The following PITPNA variants were observed in gnomAD, a reference collection of about 807,000 sequenced individuals.
PITPNA encodes the protein phosphatidylinositol transfer protein alpha.
Under a neutral mutation model 50.3 loss-of-function variants are expected in PITPNA, and 13 were observed. The ratio of observed to expected loss-of-function variants is 0.26; its 90% CI spans 0.17 to 0.41. The LOEUF is 0.41. Ranked by LOEUF, PITPNA falls within the 10% of genes least tolerant of loss-of-function variation. The pLI is 1.00. For synonymous variants in PITPNA, 120 were observed against 119.6 expected (o/e 1.00, Z -0.02); for missense variants, 207 against 333.4 (o/e 0.62, Z 2.95).
intron 2 of PITPNA, among the ~76,000 whole-genome samples, chr17:1,557,942 C>T (rs11078495): frequency 0.22 from 33,636 of 152,102 alleles, 4,858 homozygotes; most frequent in East Asian, 0.44. Context: ...ATCAATAATG[C>T]GTCCCCGGCC....
intron 1 of PITPNA, among the ~76,000 whole-genome samples, chr17:1,560,366 C>T (rs906987662): frequency 6.7e-6 from 1 of 149,284 alleles, no homozygotes; most frequent in Non-Finnish European, 1.5e-5. Flanking sequence ...TGCAACGCTG[C>T]GGCCACAGCC....
At chr17:1,522,360 C>T (rs1453325856) in intron 10 of PITPNA, among the ~76,000 whole-genome samples, 3 of 151,912 alleles carry the variant, frequency 2.0e-5, no homozygotes, top group Admixed American at 6.6e-5. Context: ...CGTGAGCCAC[C>T]GCGCCTGGCC....
intron 3 of PITPNA, among the ~76,000 whole-genome samples, chr17:1,550,486 G>T (rs774689530): frequency 7.9e-5 from 12 of 152,144 alleles, no homozygotes; most frequent in Admixed American, 2.6e-4. Context: ...CAGGTACAAG[G>T]TGGGGAATTC....
At chr17:1,545,624 T>A (rs578224468) in intron 4 of PITPNA, among the ~76,000 whole-genome samples, 2 of 152,248 alleles carry the variant, frequency 1.3e-5, no homozygotes, top group African/African-American at 4.8e-5. Context: ...AGTGGCGCAA[T>A]TGGTTAGCGC....
rs1025176052 is a variant in PITPNA, at chr17:1,518,507, CTTTATG to C, written c.*2048_*2053del. 20 of 152,790 alleles carry C rather than the reference CTTTATG, an allele frequency of 1.3e-4. No individual in the cohort carries two copies. The highest frequency in any genetic ancestry group is 2.1e-4 in the South Asian group (1 of 4,814). The allele number at this position is 152,790 out of a possible 1,614,324, so 9.5% of individuals were successfully genotyped here. On this transcript the variant is annotated 3_prime_UTR_variant, in exon 12 of 12. Transcript: ENST00000313486. ...GATGGAACAGACCAGGGACATCCTC[CTTTATG>C]TTTATGTGGGCTGCAATTCCAGATC...
intron 3 of PITPNA, 107 bp downstream of exon 3, chr17:1,552,897 G>A (rs1403325870): frequency 1.9e-6 from 2 of 1,076,902 alleles, no homozygotes; most frequent in East Asian, 2.4e-5. Context: ...TAATTGTTAG[G>A]ATATAACAAT....
chr17:1,538,829 T>TTTA (rs747027247), intron 7 of PITPNA, 40 bp downstream of exon 7: 2 of 1,290,242 alleles, frequency 1.6e-6, no homozygotes, highest in Non-Finnish European at 2.2e-6. Flanking sequence ...AAGTCATTTC[T>TTTA]GCGTCTCGAA....
Position 1,529,845 on chromosome 17 carries a change from A to C in PITPNA, c.768+4254T>G, listed in dbSNP as rs139358049. ...ACTCCAGCCTGGGTGACAGAGCGAG[A>C]CTCTGTTTCAAAAGAAAAAAAAAAA... On this transcript the variant is annotated intron_variant, in intron 10 of 11. Coordinates refer to ENST00000313486, the MANE Select transcript of PITPNA (RefSeq NM_006224.4). 6.7e-3 allele frequency among the ~76,000 whole-genome samples: 996 copies of C among 149,476 alleles called. 16 individuals carry two copies. Among genetic ancestry groups the C allele is most frequent in the African/African-American group, 0.022 (911 of 40,786 alleles).
In PITPNA at chr17:1,519,016, G is replaced by A. The variant is rs1032228989; in HGVS notation, c.*1545C>T. ...GAAGGTCAGCGCTAACCATGCTGGG[G>A]GTCTGAGTCTGTCCACCCTTGCCCC... On this transcript the variant is annotated 3_prime_UTR_variant, in exon 12 of 12. Coordinates refer to ENST00000313486, the MANE Select transcript of PITPNA (RefSeq NM_006224.4). 1 of 152,288 alleles carries A rather than the reference G, an allele frequency of 6.6e-6. No individual in the cohort carries two copies. The highest frequency in any genetic ancestry group is 1.5e-5 in the Non-Finnish European group (1 of 68,052). 9.4% of individuals were successfully genotyped at this position (152,288 alleles called of 1,614,324 possible).
intron 10 of PITPNA, among the ~76,000 whole-genome samples, chr17:1,523,083 G>C (rs912684726): frequency 3.3e-5 from 5 of 152,162 alleles, no homozygotes; most frequent in Non-Finnish European, 5.9e-5. Flanking sequence ...GATGTGCAAG[G>C]CTGCTGGAAA....
chr17:1,521,783 A>G (rs1290681386), intron 10 of PITPNA, 138 bp from the exon 11 acceptor site: 1 of 687,476 alleles, frequency 1.5e-6, no homozygotes, highest in Non-Finnish European at 2.6e-6. Flanking sequence ...AATTCTGCAT[A>G]TGGACTCGAA....
In PITPNA at chr17:1,562,592, C is replaced by A; in HGVS notation, c.-32G>T. On this transcript the variant is annotated 5_prime_UTR_variant, in exon 1 of 12. Coordinates refer to ENST00000313486, the MANE Select transcript of PITPNA (RefSeq NM_006224.4). This position sits in a 1 kb window ranked among gnomAD's most constrained non-coding sequence, Gnocchi z 6.4. ...TCGCGGCTCGGTGGCTGCCCGCGGCCCGCCCGGCCTCCCGCCCGCTGCCCG... is the reference window on the plus strand; with the variant it reads ...TCGCGGCTCGGTGGCTGCCCGCGGCACGCCCGGCCTCCCGCCCGCTGCCCG... 7.9e-7 allele frequency: 1 copy of A among 1,267,250 alleles called. No homozygotes were observed. The highest frequency in any genetic ancestry group is 1.0e-6 in the Non-Finnish European group (1 of 1,002,360). 78.5% of individuals were successfully genotyped at this position (1,267,250 alleles called of 1,614,324 possible).
chr17:1,539,085 A>G, intron 6 of PITPNA, 133 bp from the exon 7 acceptor site: 1 of 615,182 alleles, frequency 1.6e-6, no homozygotes, highest in Non-Finnish European at 2.9e-6. Context: ...TAATTATACA[A>G]TTACATACAA....
intron 6 of PITPNA, among the ~76,000 whole-genome samples, chr17:1,539,751 G>A (rs2075639050): frequency 1.3e-5 from 2 of 152,222 alleles, no homozygotes; most frequent in African/African-American, 2.4e-5. Flanking sequence ...TTGTCTGTTT[G>A]TCTGAGATGG....
chr17:1,541,501 C>G, intron 6 of PITPNA, 65 bp downstream of exon 6: 1 of 1,151,102 alleles, frequency 8.7e-7, no homozygotes, highest in East Asian at 2.3e-5. Context: ...CATGGTAGCC[C>G]TGGAGAGGCT....
intron 2 of PITPNA, among the ~76,000 whole-genome samples, chr17:1,554,390 ATTTT>A (rs61238602): frequency 1.4e-4 from 9 of 66,088 alleles, no homozygotes; most frequent in South Asian, 7.6e-4. Context: ...GTGTTTCTCT[ATTTT>A]TTTTTTTTTT....
intron 4 of PITPNA, among the ~76,000 whole-genome samples, chr17:1,547,311 A>AGCTGTGGTTGTGCC (rs1421740711): frequency 6.6e-6 from 1 of 152,006 alleles, no homozygotes; most frequent in Non-Finnish European, 1.5e-5. Context: ...GGCTGCAGTG[A>AGCTGTGGTTGTGCC]GCTGTGGTTG....
intron 10 of PITPNA, among the ~76,000 whole-genome samples, chr17:1,532,232 T>C (rs937863300): frequency 6.6e-6 from 1 of 152,032 alleles, no homozygotes; most frequent in Non-Finnish European, 1.5e-5. Flanking sequence ...GGATTACAGG[T>C]GTCCGCCACC....
At chr17:1,555,255 T>G (rs1338333241) in intron 2 of PITPNA, among the ~76,000 whole-genome samples, 2 of 152,220 alleles carry the variant, frequency 1.3e-5, no homozygotes, top group Non-Finnish European at 2.9e-5. Context: ...AGGATCAGCC[T>G]GTTGGCTGGC....
Sources: gnomAD v4.1 joint callset for allele counts (sites outside exome capture counted in the v4.1 genomes callset) on GRCh38, gnomAD v4.1.1 for gene constraint, Gnocchi (gnomAD v3.1) non-coding constraint, MANE v1.5 for transcripts, NCBI Gene and HGNC (gene_info 2026-07-23, HGNC 2026-07-21) for gene names.